Variants in AMPH observed in about 807,000 individuals in gnomAD.
AMPH encodes amphiphysin (Stiff-Mann syndrome with breast cancer 128kD autoantigen).
Under a neutral mutation model 99.1 loss-of-function variants are expected in AMPH, and 49 were observed. That is an observed-to-expected ratio of 0.49 (90% CI 0.39 to 0.63). The LOEUF (loss-of-function observed/expected upper bound fraction) is 0.63. Ranked by LOEUF, AMPH falls within the 20% of genes least tolerant of loss-of-function variation. The pLI, the probability that AMPH is intolerant of heterozygous loss-of-function variation, is 0.00. For missense variants in AMPH, 759 were observed against 863.4 expected (o/e 0.88, Z 1.52); for synonymous variants, 314 against 317.3 (o/e 0.99, Z 0.11).
chr7:38,591,093 T>C (rs1341248270), intron 1 of AMPH, among the ~76,000 whole-genome samples: 1 of 152,112 alleles, frequency 6.6e-6, no homozygotes, highest in Non-Finnish European at 1.5e-5. Context: ...TTCAGGAGAA[T>C]GCGGTAAATA....
At chr7:38,436,460 A>C in intron 11 of AMPH, 72 bp from the exon 12 acceptor site, 1 of 1,072,048 alleles carries the variant, frequency 9.3e-7, no homozygotes, top group Non-Finnish European at 1.4e-6. Flanking sequence ...GATATAGCCC[A>C]TGTATACTCT....
chr7:38,450,512 G>A (rs981277230), intron 11 of AMPH, among the ~76,000 whole-genome samples: 2 of 152,180 alleles, frequency 1.3e-5, no homozygotes, highest in Admixed American at 6.5e-5. Context: ...TACCAGGACT[G>A]GGCTTTGGTT....
intron 16 of AMPH, among the ~76,000 whole-genome samples, chr7:38,421,686 C>T (rs149393428): frequency 6.6e-6 from 1 of 152,338 alleles, no homozygotes; most frequent in East Asian, 1.9e-4. Context: ...TAAGTATGCA[C>T]TATTCCCATG....
At chr7:38,626,295 T>C (rs1241714529) in intron 1 of AMPH, among the ~76,000 whole-genome samples, 2 of 152,176 alleles carry the variant, frequency 1.3e-5, no homozygotes, top group Admixed American at 1.3e-4. Flanking sequence ...CTTCAAACTA[T>C]ACTACAAGGC....
chr7:38,591,716 C>A (rs930499581), intron 1 of AMPH, among the ~76,000 whole-genome samples: 1 of 152,192 alleles, frequency 6.6e-6, no homozygotes, highest in African/African-American at 2.4e-5. Context: ...AACCAAACTG[C>A]GGACAAGCCT....
intron 1 of AMPH, among the ~76,000 whole-genome samples, chr7:38,597,233 G>T (rs1281371890): frequency 6.6e-6 from 1 of 152,058 alleles, no homozygotes; most frequent in Admixed American, 6.5e-5. Flanking sequence ...TATGACATAT[G>T]AATTCATACA....
chr7:38,395,288 T>G (rs2128976616), intron 17 of AMPH, among the ~76,000 whole-genome samples: 1 of 152,310 alleles, frequency 6.6e-6, no homozygotes, highest in East Asian at 1.9e-4. Flanking sequence ...GAAATCATTT[T>G]TGTAATCAAA....
intron 1 of AMPH, among the ~76,000 whole-genome samples, chr7:38,612,499 T>A (rs1308415231): frequency 6.6e-6 from 1 of 152,214 alleles, no homozygotes; most frequent in African/African-American, 2.4e-5. Flanking sequence ...ACAGTCCTTT[T>A]CTACAGCCTA....
At chr7:38,439,025 T>C (rs1466705420) in intron 11 of AMPH, among the ~76,000 whole-genome samples, 1 of 152,138 alleles carries the variant, frequency 6.6e-6, no homozygotes, top group Non-Finnish European at 1.5e-5. Context: ...GGGGGTAGTT[T>C]CCCCAATGCT....
At chr7:38,401,533 T>G (rs2128979722) in intron 17 of AMPH, among the ~76,000 whole-genome samples, 1 of 152,348 alleles carries the variant, frequency 6.6e-6, no homozygotes, top group South Asian at 2.1e-4. Context: ...AATGTCTTTC[T>G]GCTGCTTTCC....
At chr7:38,516,686 C>G (rs973690614) in intron 2 of AMPH, among the ~76,000 whole-genome samples, 1 of 152,224 alleles carries the variant, frequency 6.6e-6, no homozygotes, top group African/African-American at 2.4e-5. Flanking sequence ...GTCCTCCAGA[C>G]CCCACAATGG....
intron 1 of AMPH, among the ~76,000 whole-genome samples, chr7:38,594,763 C>G (rs1299537614): frequency 6.6e-6 from 1 of 152,106 alleles, no homozygotes; most frequent in East Asian, 1.9e-4. Context: ...ACAAACAAAT[C>G]TGCATCCCAA....
At chr7:38,491,731 T>C (rs1455055181) in intron 4 of AMPH, among the ~76,000 whole-genome samples, 2 of 152,252 alleles carry the variant, frequency 1.3e-5, no homozygotes, top group African/African-American at 2.4e-5. Context: ...GACTTTGTTA[T>C]TTCCACAATA....
chr7:38,616,548 A>C (rs1324621622), intron 1 of AMPH, among the ~76,000 whole-genome samples: 1 of 152,216 alleles, frequency 6.6e-6, no homozygotes, highest in Admixed American at 6.5e-5. Context: ...AGATGTGTTC[A>C]GCTGCCTTAT....
intron 1 of AMPH, among the ~76,000 whole-genome samples, chr7:38,623,391 C>T (rs1041202329): frequency 6.6e-6 from 1 of 152,058 alleles, no homozygotes; most frequent in Non-Finnish European, 1.5e-5. Context: ...AAGAAGGATA[C>T]ATTAGTATAT....
intron 5 of AMPH, among the ~76,000 whole-genome samples, chr7:38,478,871 GAAAT>G (rs1301479084): frequency 1.3e-5 from 2 of 151,884 alleles, no homozygotes; most frequent in African/African-American, 4.8e-5. Flanking sequence ...AAAAGCTGAG[GAAAT>G]AAATAGTGTA....
At chr7:38,467,638 A>ATGTGTGTG (rs1039627542) in intron 7 of AMPH, among the ~76,000 whole-genome samples, 131 of 38,450 alleles carry the variant, frequency 3.4e-3, no homozygotes, top group African/African-American at 0.014. Context: ...TACAATGGAA[A>ATGTGTGTG]TATGTGTGTG....
chr7:38,422,581 T>TCTAC, intron 15 of AMPH, 104 bp from the exon 16 acceptor site: 1 of 768,146 alleles, frequency 1.3e-6, no homozygotes, highest in Non-Finnish European at 2.1e-6. Context: ...TATCTATCTA[T>TCTAC]CTATCTATCT....
chr7:38,391,702 C>A, intron 19 of AMPH, 46 bp downstream of exon 19: 2 of 1,582,374 alleles, frequency 1.3e-6, no homozygotes, highest in Non-Finnish European at 1.7e-6. Context: ...AGCAAAAGGG[C>A]CTTAAAGCAA....
Sources: allele counts gnomAD v4.1 joint callset (sites outside exome capture counted in the v4.1 genomes callset), GRCh38; gene constraint gnomAD v4.1.1; transcripts MANE v1.5; gene names NCBI Gene and HGNC (gene_info 2026-07-23, HGNC 2026-07-21).